PARD3B: variants seen among roughly 807,000 people sequenced by gnomAD.
PARD3B encodes the protein par-3 family cell polarity regulator beta, also known as partitioning defective 3 homolog B.
A neutral mutation model predicts 130.2 loss-of-function variants in PARD3B; 103 were observed. The observed-to-expected ratio is 0.79, with a 90% CI of 0.67 to 0.93. The LOEUF (loss-of-function observed/expected upper bound fraction) is 0.93. PARD3B is among the 40% of genes least tolerant of loss of function. The probability of loss-of-function intolerance (pLI) is 0.00; values close to 1 mark genes in which losing one functional copy is unlikely to be tolerated. For missense variants in PARD3B, 1,609 were observed against 1,499.2 expected (o/e 1.07, Z -1.21); for synonymous variants, 583 against 553.2 (o/e 1.05, Z -0.76).
chr2:205,612,529 T>C (rs1298762262), intron 22 of PARD3B, among the ~76,000 whole-genome samples: 1 of 152,142 alleles, frequency 6.6e-6, no homozygotes, highest in East Asian at 1.9e-4. Flanking sequence ...CTGTAGGAAA[T>C]TCTGTTATGA....
Position 205,121,919 on chromosome 2 carries a change from G to T in PARD3B, c.1135G>T (p.Ala379Ser), listed in dbSNP as rs768275895. 3.1e-6 allele frequency: 5 copies of T among 1,611,664 alleles called. No homozygotes were observed. Among genetic ancestry groups the T allele is most frequent in the Middle Eastern group, 1.7e-4 (1 of 6,054 alleles). ...CATGGGATTTGGCAGCAATAAAAAT[G>T]CAAAGAAAATTAAGATTGACCTAAA... ...PLMGFGSNKNAKKIKIDLKKG... is the reference protein window; with the variant it reads ...PLMGFGSNKNSKKIKIDLKKG... Residue 379 changes from alanine (A) to serine (S), a missense_variant, in exon 8 of 23, where the codon GCA becomes TCA. Transcript: ENST00000406610. This position sits in a 1 kb window ranked among gnomAD's most constrained non-coding sequence, Gnocchi z 5.0.
chr2:205,266,341 CAT>C (rs2040504498), intron 16 of PARD3B, among the ~76,000 whole-genome samples: 1 of 152,048 alleles, frequency 6.6e-6, no homozygotes, highest in Non-Finnish European at 1.5e-5. Flanking sequence ...TTTAAGAAGA[CAT>C]AATAATGAGA....
intron 21 of PARD3B, among the ~76,000 whole-genome samples, chr2:205,534,211 G>A (rs1259707236): frequency 6.6e-6 from 1 of 152,192 alleles, no homozygotes. Flanking sequence ...TTCTCATAGA[G>A]TTTATGTTTG....
intron 21 of PARD3B, among the ~76,000 whole-genome samples, chr2:205,522,391 A>G (rs1379208253): frequency 1.3e-5 from 2 of 151,902 alleles, no homozygotes; most frequent in Non-Finnish European, 1.5e-5. Flanking sequence ...TTAAGTTTTT[A>G]TTATTAATGT....
intron 18 of PARD3B, chr2:205,302,053 CTTTTTTCTTTTCTTTTTTTTT>C: frequency 5.2e-6 from 1 of 192,494 alleles, no homozygotes; most frequent in Non-Finnish European, 9.5e-6. Context: ...TTCTTTTTTT[CTTTTTTCTTTTCTTTTTTTTT>C]TTTTTTTTTT....
chr2:204,847,176 T>C (rs2044496745), intron 2 of PARD3B, among the ~76,000 whole-genome samples: 1 of 151,612 alleles, frequency 6.6e-6, no homozygotes, highest in Non-Finnish European at 1.5e-5. Context: ...CTTTCTTTTT[T>C]TTTTTTTTGC....
At chr2:204,751,820 G>C (rs1441376617) in intron 2 of PARD3B, among the ~76,000 whole-genome samples, 21 of 152,288 alleles carry the variant, frequency 1.4e-4, no homozygotes, top group Non-Finnish European at 3.1e-4. Flanking sequence ...ACACCAGCAA[G>C]CAAAGTATCT....
At position 205,325,377 on chromosome 2, in the gene PARD3B, C is replaced by G. The variant is rs909770849; in HGVS notation, c.2630+23676C>G. On this transcript the variant is annotated intron_variant, in intron 18 of 22. Transcript: ENST00000406610. The surrounding 1 kb of genome is among the most constrained non-coding windows in gnomAD (Gnocchi z 4.1). ...TTCCCTGTGACTACAATGCCCTTTC[C>G]CCATCCTTCAATCCACACTAACCCC... Among the ~76,000 whole-genome samples the G allele has an allele frequency of 6.6e-6, 1 of 152,106 alleles. No homozygotes were observed. The highest frequency in any genetic ancestry group is 1.5e-5 in the Non-Finnish European group (1 of 68,034).
chr2:205,300,551 G>C lies in PARD3B; in HGVS notation c.2207G>C (p.Gly736Ala). Residue 736 changes from glycine to alanine, a missense_variant, in exon 17 of 23, where the codon GGT (glycine) becomes GCT (alanine). Transcript: ENST00000406610. The surrounding 1 kb of genome is among the most constrained non-coding windows in gnomAD (Gnocchi z 4.1). The stretch of plus-strand genomic sequence containing the variant: ...CCAGAATCTCCAAGCAAAGATTTTG[G>C]TCCAACTCTGGGTTTGAAAAAGTCC... ...QKSESPSKDF[G>A]PTLGLKKSSS... 1 of 1,613,638 alleles carries C rather than the reference G, an allele frequency of 6.2e-7. No individual in the cohort carries two copies. The highest frequency in any genetic ancestry group is 8.5e-7 in the Non-Finnish European group (1 of 1,179,934).
intron 2 of PARD3B, among the ~76,000 whole-genome samples, chr2:204,715,048 T>A (rs1388077024): frequency 6.6e-6 from 1 of 152,174 alleles, no homozygotes; most frequent in African/African-American, 2.4e-5. Flanking sequence ...CAATAAGGCA[T>A]CCTTGAAGTG....
At chr2:204,647,393 C>T (rs1028140646) in intron 1 of PARD3B, among the ~76,000 whole-genome samples, 3 of 151,404 alleles carry the variant, frequency 2.0e-5, no homozygotes, top group African/African-American at 7.3e-5. Flanking sequence ...TTGTGCCTTG[C>T]TGCATTTTAT....
intron 2 of PARD3B, among the ~76,000 whole-genome samples, chr2:204,815,238 T>C (rs2043103734): frequency 1.3e-5 from 2 of 151,946 alleles, no homozygotes; most frequent in South Asian, 4.1e-4. Flanking sequence ...ATGAGCTCAC[T>C]TGATGAATGA....
chr2:204,708,112 TCTGA>T (rs1325879399), intron 2 of PARD3B, among the ~76,000 whole-genome samples: 2 of 152,164 alleles, frequency 1.3e-5, no homozygotes, highest in Admixed American at 1.3e-4. Flanking sequence ...AGGGAACCTG[TCTGA>T]CTATGTATAA....
chr2:204,588,193 A>G (rs1026731485), intron 1 of PARD3B, among the ~76,000 whole-genome samples: 1 of 152,196 alleles, frequency 6.6e-6, no homozygotes, highest in Non-Finnish European at 1.5e-5. Context: ...GGCTTCCGTG[A>G]CTTGGACTTG....
rs1264718435 is a variant in PARD3B, at chr2:205,230,599, G to A, written c.2141-15179G>A. On this transcript the variant is annotated intron_variant, in intron 15 of 22. Transcript: ENST00000406610. The surrounding 1 kb of genome is among the most constrained non-coding windows in gnomAD (Gnocchi z 4.1). Reference sequence around the variant, plus strand: ...CCGTGAGCTGCACTGCCTGGGGTTGGGGGAGGAGTGGTGCAAGCACTGCAT... The same window carrying A: ...CCGTGAGCTGCACTGCCTGGGGTTGAGGGAGGAGTGGTGCAAGCACTGCAT... Among the ~76,000 whole-genome samples the A allele has an allele frequency of 6.6e-6, 1 of 152,160 alleles. No homozygotes were observed. Among genetic ancestry groups the A allele is most frequent in the Non-Finnish European group, 1.5e-5 (1 of 68,024 alleles).
chr2:205,312,373 G>T (rs1031281419), intron 18 of PARD3B, among the ~76,000 whole-genome samples: 2 of 152,194 alleles, frequency 1.3e-5, no homozygotes, highest in African/African-American at 4.8e-5. Context: ...AAAAATGAAA[G>T]CCAAAGTGGG....
chr2:204,707,865 A>G (rs1180732937), intron 2 of PARD3B, among the ~76,000 whole-genome samples: 1 of 152,138 alleles, frequency 6.6e-6, no homozygotes, highest in South Asian at 2.1e-4. Flanking sequence ...TAAGCTTTTA[A>G]TTTTACCTTG....
chr2:205,201,480 T>C (rs1414437062), intron 15 of PARD3B, among the ~76,000 whole-genome samples: 1 of 152,234 alleles, frequency 6.6e-6, no homozygotes. Context: ...TTTTCAGTGT[T>C]TGACAAGGGA....
At chr2:205,098,623 T>A (rs146842583) in intron 4 of PARD3B, among the ~76,000 whole-genome samples, 73 of 152,294 alleles carry the variant, frequency 4.8e-4, no homozygotes, top group African/African-American at 1.7e-3. Context: ...TCATAATGAA[T>A]ACACGTTCTT....
Sources: gnomAD v4.1 joint callset for allele counts (sites outside exome capture counted in the v4.1 genomes callset) on GRCh38, gnomAD v4.1.1 for gene constraint, Gnocchi (gnomAD v3.1) non-coding constraint, MANE v1.5 for transcripts, NCBI Gene and HGNC (gene_info 2026-07-23, HGNC 2026-07-21) for gene names.